The following ATP8B1 variants were observed in gnomAD, a reference collection of about 807,000 sequenced individuals.
ATP8B1 encodes phospholipid-transporting ATPase IC.
A neutral mutation model predicts 149.9 loss-of-function variants in ATP8B1; 80 were observed. The ratio of observed to expected loss-of-function variants is 0.53; its 90% CI spans 0.45 to 0.64. ATP8B1 has a LOEUF of 0.64. Among genes scored for constraint, ATP8B1 ranks in the 30% least tolerant of loss-of-function variants. ATP8B1 has a pLI of 0.00. For missense variants in ATP8B1, 1,247 were observed against 1,552.6 expected (o/e 0.80, Z 3.31); for synonymous variants, 536 against 562.8 (o/e 0.95, Z 0.67).
intron 1 of ATP8B1, among the ~76,000 whole-genome samples, chr18:57,780,931 G>A (rs1302635902): frequency 2.6e-5 from 4 of 152,178 alleles, no homozygotes; most frequent in Non-Finnish European, 5.9e-5. Flanking sequence ...AATTTCTACA[G>A]AAGACAATTT....
intron 1 of ATP8B1, among the ~76,000 whole-genome samples, chr18:57,759,585 G>C (rs1269590943): frequency 6.6e-6 from 1 of 152,030 alleles, no homozygotes; most frequent in South Asian, 2.1e-4. Context: ...TGAGGCGGGC[G>C]GATCACGAGG....
intron 1 of ATP8B1, among the ~76,000 whole-genome samples, chr18:57,744,836 T>C (rs8089753): frequency 0.48 from 73,301 of 151,990 alleles, 18,601 homozygotes; most frequent in Non-Finnish European, 0.57. Context: ...CAAAACATCA[T>C]AGCTTTCTGG....
chr18:57,731,611 G>A lies in ATP8B1; in HGVS notation c.181+16C>T. ...GATTTATAAGCGACCTAGTCACCGGGACTTCATGTGGTTACCTTTTCTGAA... is the reference window on the plus strand; with the variant it reads ...GATTTATAAGCGACCTAGTCACCGGAACTTCATGTGGTTACCTTTTCTGAA... On this transcript the variant is annotated intron_variant, in intron 2 of 27. Coordinates refer to ENST00000648908, the MANE Select transcript of ATP8B1 (RefSeq NM_001374385.1). 6.2e-7 allele frequency: 1 copy of A among 1,613,694 alleles called. No individual in the cohort carries two copies. Among genetic ancestry groups the A allele is most frequent in the Non-Finnish European group, 8.5e-7 (1 of 1,179,848 alleles).
At chr18:57,797,547 A>T (rs2080526565) in intron 1 of ATP8B1, among the ~76,000 whole-genome samples, 1 of 152,040 alleles carries the variant, frequency 6.6e-6, no homozygotes, top group Non-Finnish European at 1.5e-5. Flanking sequence ...ATTAAATGCA[A>T]ATATACTAGA....
chr18:57,758,089 G>C (rs965053220), intron 1 of ATP8B1, among the ~76,000 whole-genome samples: 1 of 152,102 alleles, frequency 6.6e-6, no homozygotes, highest in Non-Finnish European at 1.5e-5. Flanking sequence ...TTGGTCCTCA[G>C]CTCAAACGAT....
chr18:57,709,056 G>A lies in ATP8B1; in HGVS notation c.182-2469C>T, dbSNP rs1051398391. Among the ~76,000 whole-genome samples the A allele has an allele frequency of 3.3e-5, 5 of 152,138 alleles. No individual in the cohort carries two copies. The East Asian group carries it at 7.7e-4, about 23-fold the overall frequency. Reference sequence around the variant, plus strand: ...TTGTCTGCAATTGAACCGCAAACACGTTTTTACTCAATTTTAGAAATCTGA... The same window carrying A: ...TTGTCTGCAATTGAACCGCAAACACATTTTTACTCAATTTTAGAAATCTGA... On this transcript the variant is annotated intron_variant, in intron 2 of 27. Coordinates refer to ENST00000648908, the MANE Select transcript of ATP8B1 (RefSeq NM_001374385.1).
chr18:57,777,728 C>T (rs1418541441), intron 1 of ATP8B1, among the ~76,000 whole-genome samples: 4 of 152,078 alleles, frequency 2.6e-5, no homozygotes, highest in Non-Finnish European at 5.9e-5. Context: ...GCCACCATGC[C>T]CAGCTAATTT....
Position 57,671,559 on chromosome 18 carries a change from A to G in ATP8B1, c.1841T>C (p.Ile614Thr). ...GTCAGCACCTTTACAGTAAAGCTTGATATTGCCTTCTGGGGTTCTTACTGG... is the reference window on the plus strand; with the variant it reads ...GTCAGCACCTTTACAGTAAAGCTTGGTATTGCCTTCTGGGGTTCTTACTGG... ...SIIVRTPEGNIKLYCKGADTV... is the reference protein window; with the variant it reads ...SIIVRTPEGNTKLYCKGADTV... Residue 614 changes from isoleucine (I) to threonine (T), a missense_variant, in exon 17 of 28, where the codon ATC becomes ACC. This residue lies in a region of ATP8B1 where 853 missense variants were observed against 1,035.7 expected (regional missense o/e 0.82). Coordinates refer to ENST00000648908, the MANE Select transcript of ATP8B1 (RefSeq NM_001374385.1). 6.2e-7 allele frequency: 1 copy of G among 1,613,848 alleles called. No individual in the cohort carries two copies. Among genetic ancestry groups the G allele is most frequent in the Non-Finnish European group, 8.5e-7 (1 of 1,179,760 alleles).
intron 20 of ATP8B1, among the ~76,000 whole-genome samples, chr18:57,665,502 G>A (rs1309958232): frequency 6.6e-6 from 1 of 151,554 alleles, no homozygotes; most frequent in East Asian, 1.9e-4. Flanking sequence ...ATTACTTGAA[G>A]CCCAAAACTA....
At chr18:57,767,189 A>C (rs2080218022) in intron 1 of ATP8B1, among the ~76,000 whole-genome samples, 3 of 152,230 alleles carry the variant, frequency 2.0e-5, no homozygotes, top group Non-Finnish European at 2.9e-5. Flanking sequence ...CTAAGAACTA[A>C]GGTGAGCTCA....
chr18:57,724,405 A>G (rs2079682765), intron 2 of ATP8B1, among the ~76,000 whole-genome samples: 1 of 140,108 alleles, frequency 7.1e-6, no homozygotes, highest in Non-Finnish European at 1.6e-5. Flanking sequence ...AATTTACAAG[A>G]AAAAAACAAA....
At chr18:57,652,219 G>A in intron 25 of ATP8B1, 47 bp from the exon 26 acceptor site, 3 of 1,609,272 alleles carry the variant, frequency 1.9e-6, no homozygotes, top group Non-Finnish European at 2.6e-6. Flanking sequence ...TGGGGAGTTA[G>A]CAAGAAATAA....
intron 1 of ATP8B1, 44 bp from the exon 2 acceptor site, chr18:57,731,876 A>G: frequency 6.3e-7 from 1 of 1,587,696 alleles, no homozygotes; most frequent in Non-Finnish European, 8.6e-7. Flanking sequence ...ACTCTTGCCC[A>G]GTTTTTGGTT....
chr18:57,777,236 T>C (rs2080313241), intron 1 of ATP8B1, among the ~76,000 whole-genome samples: 2 of 152,168 alleles, frequency 1.3e-5, no homozygotes, highest in African/African-American at 2.4e-5. Flanking sequence ...GCTCAGCATC[T>C]GAAAGTGCTG....
intron 22 of ATP8B1, among the ~76,000 whole-genome samples, chr18:57,656,107 C>G (rs1445966568): frequency 1.3e-5 from 2 of 152,144 alleles, no homozygotes; most frequent in African/African-American, 4.8e-5. Context: ...CCTCTTATCA[C>G]TTACCAGAAG....
At chr18:57,681,750 G>A (rs1027993125) in intron 15 of ATP8B1, among the ~76,000 whole-genome samples, 15 of 151,984 alleles carry the variant, frequency 9.9e-5, no homozygotes, top group African/African-American at 3.6e-4. Context: ...GCAGTGAGCC[G>A]AGATCATGCC....
intron 1 of ATP8B1, among the ~76,000 whole-genome samples, chr18:57,776,398 C>G (rs1035284797): frequency 1.3e-5 from 2 of 152,196 alleles, no homozygotes; most frequent in East Asian, 3.8e-4. Flanking sequence ...TTTTAATTAT[C>G]TCGTTTAATG....
chr18:57,691,724 G>C lies in ATP8B1; in HGVS notation c.1220+83C>G, dbSNP rs948458432. On this transcript the variant is annotated intron_variant, in intron 12 of 27. Transcript: ENST00000648908. ...TGTTCTTTGTGACCTTTGAAACAGT[G>C]ATCACTAGAAATGAAGGCACTATGT... 41 of 1,498,008 alleles carry C rather than the reference G, an allele frequency of 2.7e-5. 1 individual carries two copies. In the South Asian group the frequency reaches 3.9e-4, roughly 14 times the overall value. The allele number at this position is 1,498,008 out of a possible 1,614,324, so 92.8% of individuals were successfully genotyped here.
At chr18:57,782,496 G>A (rs960040613) in intron 1 of ATP8B1, among the ~76,000 whole-genome samples, 2 of 152,106 alleles carry the variant, frequency 1.3e-5, no homozygotes, top group African/African-American at 4.8e-5. Flanking sequence ...TCTTGACTAC[G>A]CATGAGAGAA....
Sources: allele counts gnomAD v4.1 joint callset (sites outside exome capture counted in the v4.1 genomes callset), GRCh38; gene constraint gnomAD v4.1.1; regional missense constraint gnomAD v4.1.1; transcripts MANE v1.5; gene names NCBI Gene and HGNC (gene_info 2026-07-23, HGNC 2026-07-21).